Variants in SCN2A observed in about 807,000 individuals in gnomAD.
SCN2A encodes sodium voltage-gated channel alpha subunit 2, also known as sodium channel protein type 2 subunit alpha.
SCN2A carries 20 observed loss-of-function variants against 188.7 expected under a neutral mutation model. The ratio of observed to expected loss-of-function variants is 0.11; its 90% CI spans 0.07 to 0.15. The LOEUF (loss-of-function observed/expected upper bound fraction) is 0.15. SCN2A is among the 10% of genes least tolerant of loss of function. SCN2A has a pLI of 1.00. For synonymous variants in SCN2A, 804 were observed against 833.1 expected, an observed-to-expected ratio of 0.97 and a Z score of 0.60; for missense variants, 1,278 against 2,445.0, an observed-to-expected ratio of 0.52 and a Z score of 10.07.
intron 1 of SCN2A, among the ~76,000 whole-genome samples, chr2:165,291,716 C>T (rs1261130561): frequency 6.6e-6 from 1 of 150,974 alleles, no homozygotes; most frequent in Non-Finnish European, 1.5e-5. Context: ...TCCCAAAATG[C>T]TGGGATTACA....
intron 1 of SCN2A, among the ~76,000 whole-genome samples, chr2:165,278,850 G>A (rs1294779007): frequency 6.6e-6 from 1 of 152,040 alleles, no homozygotes; most frequent in Non-Finnish European, 1.5e-5. Context: ...GGATCTCTTG[G>A]GCCTGGGAGG....
intron 14 of SCN2A, among the ~76,000 whole-genome samples, chr2:165,331,792 T>C (rs978873876): frequency 6.6e-6 from 1 of 152,152 alleles, no homozygotes; most frequent in Admixed American, 6.6e-5. Flanking sequence ...AAATTGCTTA[T>C]TTATTAGAAG....
chr2:165,357,206 A>T (rs531763180), intron 17 of SCN2A, among the ~76,000 whole-genome samples: 1 of 152,174 alleles, frequency 6.6e-6, no homozygotes, highest in African/African-American at 2.4e-5. Flanking sequence ...ACACTAAAAA[A>T]CTAGAGAATT....
intron 1 of SCN2A, among the ~76,000 whole-genome samples, chr2:165,262,311 G>A (rs75487754): frequency 0.027 from 4,159 of 152,126 alleles, 86 homozygotes; most frequent in South Asian, 0.046. Flanking sequence ...AGATTCTGGT[G>A]CACCCTGACC....
rs745758994 is a variant in SCN2A, at chr2:165,389,670, A to G, written c.5864A>G (p.Asn1955Ser). 5 of 1,614,018 alleles carry G rather than the reference A, an allele frequency of 3.1e-6. 1 individual carries two copies. The South Asian group carries it at 5.5e-5, about 18-fold the overall frequency. The change falls in exon 27 of 27, where the codon AAT becomes AGT. Residue 1955 changes from asparagine to serine, a missense_variant. Asn to Ser is a conservative substitution (Grantham distance 46). This residue lies in a region of SCN2A where 109 missense variants were observed against 137.9 expected (regional missense o/e 0.79). Transcript: ENST00000375437. The surrounding 1 kb of genome is among the most constrained non-coding windows in gnomAD (Gnocchi z 4.2). Reference sequence around the variant, plus strand: ...GAAGATACTCTCATTGATAAACTGAATGAGAATTCAACTCCAGAGAAAACC... The same window carrying G: ...GAAGATACTCTCATTGATAAACTGAGTGAGAATTCAACTCCAGAGAAAACC... ...IKEDTLIDKL[N>S]ENSTPEKTDM...
chr2:165,247,990 C>T (rs1327907191), intron 1 of SCN2A, among the ~76,000 whole-genome samples: 2 of 152,032 alleles, frequency 1.3e-5, no homozygotes, highest in Non-Finnish European at 2.9e-5. Flanking sequence ...CTTGATTATT[C>T]TTTTTCTCTT....
intron 21 of SCN2A, among the ~76,000 whole-genome samples, chr2:165,374,341 T>G (rs1225605205): frequency 6.6e-6 from 1 of 152,146 alleles, no homozygotes; most frequent in Non-Finnish European, 1.5e-5. Flanking sequence ...ATTGTATGGT[T>G]TGTATGATTT....
chr2:165,273,508 T>C (rs757131554), intron 1 of SCN2A: 1 of 152,222 alleles, frequency 6.6e-6, no homozygotes, highest in Non-Finnish European at 1.5e-5. Context: ...TTCTAAATCT[T>C]AGTCATATCT....
Position 165,392,294 on chromosome 2 carries a change from A to G in SCN2A, c.*2470A>G, listed in dbSNP as rs968990660. 20 of 152,394 alleles carry G rather than the reference A, an allele frequency of 1.3e-4. No homozygotes were observed. The highest frequency in any genetic ancestry group is 1.0e-3 in the Admixed American group (16 of 15,244). The allele number at this position is 152,394 out of a possible 1,614,324, so 9.4% of individuals were successfully genotyped here. ...GGAAAGTTACAAAAATTAATAAAAA[A>G]TTGACTAACATTTTAAGTTGTGCAT... On this transcript the variant is annotated 3_prime_UTR_variant, in exon 27 of 27. Coordinates refer to ENST00000375437, the MANE Select transcript of SCN2A (RefSeq NM_001040142.2).
rs1699687553 is a variant in SCN2A, at chr2:165,347,942, A to G, written c.2919+3031A>G. Among the ~76,000 whole-genome samples, 4 of 152,196 alleles carry G rather than the reference A, an allele frequency of 2.6e-5. No homozygotes were observed. The South Asian group carries it at 8.3e-4, about 32-fold the overall frequency. On this transcript the variant is annotated intron_variant, in intron 16 of 26. Transcript: ENST00000375437. The stretch of plus-strand genomic sequence containing the variant: ...GTACCCAGTGACTGAGGGATACAGG[A>G]CAGTAGACTCTGTGAGAAGTATCAG...
At chr2:165,344,441 TATA>T (rs943102506) in intron 15 of SCN2A, 111 bp from the exon 16 acceptor site, 33 of 655,828 alleles carry the variant, frequency 5.0e-5, no homozygotes, top group African/African-American at 4.0e-4. Flanking sequence ...AAACTTAAAG[TATA>T]ATAATAATAA....
intron 19 of SCN2A, 119 bp from the exon 20 acceptor site, chr2:165,370,007 A>G (rs952917869): frequency 3.7e-6 from 3 of 800,562 alleles, no homozygotes; most frequent in Non-Finnish European, 2.0e-6. Context: ...GCCATGGGAA[A>G]CATTAAACCT....
At chr2:165,280,037 A>G (rs745674146) in intron 1 of SCN2A, among the ~76,000 whole-genome samples, 3 of 152,132 alleles carry the variant, frequency 2.0e-5, no homozygotes, top group South Asian at 2.1e-4. Context: ...GGCCTCCCCA[A>G]CCAACAGGTG....
chr2:165,262,365 A>C (rs925611894), intron 1 of SCN2A, among the ~76,000 whole-genome samples: 1 of 151,304 alleles, frequency 6.6e-6, no homozygotes, highest in Non-Finnish European at 1.5e-5. Context: ...CTTATCTCTC[A>C]CCCCCTCCCA....
intron 11 of SCN2A, among the ~76,000 whole-genome samples, chr2:165,318,854 C>T (rs146188343): frequency 2.0e-5 from 3 of 151,876 alleles, no homozygotes; most frequent in African/African-American, 7.3e-5. Context: ...ATTCGAAGTC[C>T]CTTGTTAGAG....
chr2:165,257,550 T>C (rs1053711854), intron 1 of SCN2A, among the ~76,000 whole-genome samples: 2 of 152,184 alleles, frequency 1.3e-5, no homozygotes, highest in Non-Finnish European at 2.9e-5. Context: ...TTGTTGTTGT[T>C]GTTTTTGAGA....
chr2:165,370,498 T>C (rs1700968874), intron 20 of SCN2A, 199 bp downstream of exon 20: 3 of 590,696 alleles, frequency 5.1e-6, no homozygotes, highest in Non-Finnish European at 9.1e-6. Context: ...AAAAATCAAA[T>C]GCCATCATAC....
intron 1 of SCN2A, chr2:165,274,375 AAAAG>A (rs1361498799): frequency 2.8e-4 from 43 of 151,656 alleles, no homozygotes; most frequent in African/African-American, 1.0e-3. Context: ...AAAAAAAAAA[AAAAG>A]AAAGGAAGGA....
chr2:165,385,468 G>A (rs1029391517), intron 25 of SCN2A, among the ~76,000 whole-genome samples: 2 of 152,142 alleles, frequency 1.3e-5, no homozygotes, highest in African/African-American at 4.8e-5. Context: ...GGTCCAAATA[G>A]ACTAGGGCAA....
Sources: allele counts gnomAD v4.1 joint callset (sites outside exome capture counted in the v4.1 genomes callset), GRCh38; gene constraint gnomAD v4.1.1; regional missense constraint gnomAD v4.1.1; non-coding constraint Gnocchi (gnomAD v3.1); transcripts MANE v1.5; gene names NCBI Gene and HGNC (gene_info 2026-07-23, HGNC 2026-07-21).